CCDC6: variants seen among roughly 807,000 people sequenced by gnomAD.
CCDC6 encodes coiled-coil domain containing 6.
CCDC6 carries 20 observed loss-of-function variants against 56.6 expected under a neutral mutation model. The ratio of observed to expected loss-of-function variants is 0.35; its 90% CI spans 0.25 to 0.51. The LOEUF (loss-of-function observed/expected upper bound fraction) is 0.51, where lower values mean the gene tolerates loss of function less well. CCDC6 is among the 20% of genes least tolerant of loss of function. The pLI is 0.95. For synonymous variants in CCDC6, 241 were observed against 234.4 expected (o/e 1.03, Z -0.26); for missense variants, 367 against 601.1 (o/e 0.61, Z 4.07).
At chr10:59,878,292 A>G (rs2071301682) in intron 1 of CCDC6, among the ~76,000 whole-genome samples, 1 of 152,186 alleles carries the variant, frequency 6.6e-6, no homozygotes, top group Non-Finnish European at 1.5e-5. Context: ...AAGAAGCCCT[A>G]CACTTGACAG....
intron 2 of CCDC6, among the ~76,000 whole-genome samples, chr10:59,841,719 G>A (rs2070941177): frequency 6.6e-6 from 1 of 151,754 alleles, no homozygotes; most frequent in South Asian, 2.1e-4. Context: ...CCAGGCTGGA[G>A]TGCGTTGGCG....
chr10:59,887,456 A>T (rs1199176030), intron 1 of CCDC6, among the ~76,000 whole-genome samples: 1 of 150,690 alleles, frequency 6.6e-6, no homozygotes, highest in Non-Finnish European at 1.5e-5. Flanking sequence ...AGAGATACCC[A>T]CACAATGGCT....
At chr10:59,836,721 A>G (rs1056785345) in intron 2 of CCDC6, among the ~76,000 whole-genome samples, 1 of 152,260 alleles carries the variant, frequency 6.6e-6, no homozygotes, top group African/African-American at 2.4e-5. Flanking sequence ...GAACAGTTTT[A>G]TAACCCTTAT....
intron 1 of CCDC6, among the ~76,000 whole-genome samples, chr10:59,904,840 T>A (rs1473539374): frequency 6.6e-6 from 1 of 152,234 alleles, no homozygotes; most frequent in Admixed American, 6.5e-5. Context: ...AGTTCTCATG[T>A]ATGAGCCAGC....
chr10:59,825,654 A>G (rs1267530494), intron 3 of CCDC6, among the ~76,000 whole-genome samples: 1 of 152,228 alleles, frequency 6.6e-6, no homozygotes, highest in Non-Finnish European at 1.5e-5. Flanking sequence ...GTAGCTACTA[A>G]AACAAGTGGC....
In CCDC6 at chr10:59,839,511, A is replaced by G. The variant is rs191601387; in HGVS notation, c.454-6858T>C. On this transcript the variant is annotated intron_variant, in intron 2 of 8. Coordinates refer to ENST00000263102, the MANE Select transcript of CCDC6 (RefSeq NM_005436.5). ...AATCAAGATCTAGGACATTACCCAT[A>G]TATCATGGTCTGCCCCAAAGCCCCT... Among the ~76,000 whole-genome samples, 12 of 152,254 alleles carry G rather than the reference A, an allele frequency of 7.9e-5. 1 individual carries two copies. The highest frequency in any genetic ancestry group is 7.2e-4 in the Admixed American group (11 of 15,296).
Position 59,789,933 on chromosome 10 carries a change from C to T in CCDC6, c.*2984G>A, listed in dbSNP as rs2070453739. On this transcript the variant is annotated 3_prime_UTR_variant, in exon 9 of 9. Transcript: ENST00000263102. ...GAAGCCAATTACAAAGGGACAGTAG[C>T]ACTTGGTGTCAAAGCCACTTTCTGG... The T allele has an allele frequency of 4.6e-6, 1 of 217,382 alleles. No homozygotes were observed. The highest frequency in any genetic ancestry group is 2.2e-5 in the African/African-American group (1 of 44,610). The allele number at this position is 217,382 out of a possible 1,614,324, so 13.5% of individuals were successfully genotyped here.
At chr10:59,897,929 C>T (rs1357747310) in intron 1 of CCDC6, among the ~76,000 whole-genome samples, 1 of 152,194 alleles carries the variant, frequency 6.6e-6, no homozygotes, top group Non-Finnish European at 1.5e-5. Flanking sequence ...CCTCAGTGCC[C>T]TGAGATGCCC....
chr10:59,828,687 G>A (rs79583410), intron 3 of CCDC6, among the ~76,000 whole-genome samples: 2,772 of 152,214 alleles, frequency 0.018, 103 homozygotes, highest in African/African-American at 0.062. Context: ...GGGAGCATGA[G>A]CAAGCTGGGC....
At chr10:59,843,915 C>T (rs149500242) in intron 2 of CCDC6, among the ~76,000 whole-genome samples, 2 of 152,302 alleles carry the variant, frequency 1.3e-5, no homozygotes, top group Non-Finnish European at 2.9e-5. Context: ...CAACTGACTT[C>T]TGCAGCCCCA....
chr10:59,810,691 T>TA (rs895121411), intron 5 of CCDC6, among the ~76,000 whole-genome samples: 74 of 152,262 alleles, frequency 4.9e-4, no homozygotes, highest in African/African-American at 1.4e-3. Flanking sequence ...TATATATATA[T>TA]TTTTTTAATA....
intron 1 of CCDC6, among the ~76,000 whole-genome samples, chr10:59,863,186 G>A (rs192126600): frequency 1.3e-5 from 2 of 152,212 alleles, no homozygotes; most frequent in Non-Finnish European, 1.5e-5. Flanking sequence ...TGAGGAGGTG[G>A]GAGGAACAGA....
At chr10:59,873,677 T>A (rs936600699) in intron 1 of CCDC6, among the ~76,000 whole-genome samples, 1 of 152,232 alleles carries the variant, frequency 6.6e-6, no homozygotes, top group Non-Finnish European at 1.5e-5. Flanking sequence ...GATAAGAGAC[T>A]GTGGAGCTAT....
intron 1 of CCDC6, among the ~76,000 whole-genome samples, chr10:59,901,394 C>T (rs1250566234): frequency 6.6e-6 from 1 of 152,132 alleles, no homozygotes; most frequent in Non-Finnish European, 1.5e-5. Context: ...TATTAGACTT[C>T]CAGAGTAAAT....
intron 3 of CCDC6, among the ~76,000 whole-genome samples, chr10:59,825,417 T>A (rs4948245): frequency 0.2 from 29,897 of 152,100 alleles, 3,610 homozygotes; most frequent in Middle Eastern, 0.29. Context: ...CTTCCCCAGC[T>A]CCAAGGAACT....
intron 3 of CCDC6, among the ~76,000 whole-genome samples, chr10:59,826,894 A>G (rs547529477): frequency 6.6e-6 from 1 of 152,336 alleles, no homozygotes; most frequent in East Asian, 1.9e-4. Flanking sequence ...GGCAGCAGCT[A>G]CAATTTTTGG....
intron 5 of CCDC6, among the ~76,000 whole-genome samples, chr10:59,809,439 C>A (rs1338262298): frequency 2.6e-5 from 4 of 152,166 alleles, no homozygotes; most frequent in African/African-American, 4.8e-5. Context: ...GACTTCCTGG[C>A]AGTTCAGCAA....
rs1236280666 is a variant in CCDC6 at position 59,804,681 on chromosome 10, TCA to T, written c.1005-163_1005-162del. The T allele has an allele frequency of 1.2e-5, 7 of 584,464 alleles. No individual in the cohort carries two copies. The African/African-American group carries it at 1.3e-4, about 11-fold the overall frequency. The allele number at this position is 584,464 out of a possible 1,614,324, so 36.2% of individuals were successfully genotyped here. ...GGCATTTATAAAATGGACTCCTGAG[TCA>T]CACCGCTCTGCTGTTTGACAAACCT... is the stretch of plus-strand genomic sequence containing the variant. On this transcript the variant is annotated intron_variant, in intron 6 of 8. Transcript: ENST00000263102.
intron 1 of CCDC6, among the ~76,000 whole-genome samples, chr10:59,903,421 T>A (rs535648247): frequency 6.6e-6 from 1 of 152,146 alleles, no homozygotes; most frequent in Non-Finnish European, 1.5e-5. Context: ...CTGTACTTTA[T>A]GTTCAGTGTT....
Sources: gnomAD v4.1 joint callset for allele counts (sites outside exome capture counted in the v4.1 genomes callset) on GRCh38, gnomAD v4.1.1 for gene constraint, MANE v1.5 for transcripts, NCBI Gene and HGNC (gene_info 2026-07-23, HGNC 2026-07-21) for gene names.